Variants in TOX2 observed in about 807,000 individuals in gnomAD.
The protein encoded by TOX2 is granulosa cell HMG box 1.
A neutral mutation model predicts 47.4 loss-of-function variants in TOX2; 15 were observed. The ratio of observed to expected loss-of-function variants is 0.32; its 90% CI spans 0.21 to 0.49. TOX2 has a LOEUF of 0.49. Ranked by LOEUF, TOX2 falls within the 20% of genes least tolerant of loss-of-function variation. TOX2 has a pLI of 0.99. For missense variants in TOX2, 622 were observed against 673.1 expected (o/e 0.92, Z 0.84); for synonymous variants, 290 against 296.6 (o/e 0.98, Z 0.23).
chr20:44,068,603 C>T (rs572297128), intron 8 of TOX2, 47 bp from the exon 9 acceptor site: 1 of 1,587,244 alleles, frequency 6.3e-7, no homozygotes. Context: ...CTCCCCTGGC[C>T]CGGAGAGGTA....
intron 1 of TOX2, among the ~76,000 whole-genome samples, chr20:43,964,263 C>A (rs1029672892): frequency 6.6e-6 from 1 of 152,166 alleles, no homozygotes; most frequent in South Asian, 2.1e-4. Flanking sequence ...TGAGGCTTCC[C>A]AGGCCGTGCT....
At position 44,051,439 on chromosome 20, in the gene TOX2, T is replaced by G. The variant is rs1432033830; in HGVS notation, c.545T>G (p.Ile182Ser). 1.2e-6 allele frequency: 2 copies of G among 1,614,036 alleles called. No individual in the cohort carries two copies. The change falls in exon 4 of 9, where the codon ATC (isoleucine) becomes AGC (serine). Residue 182 changes from isoleucine to serine, a missense_variant. Ile to Ser is a moderately radical substitution (Grantham distance 142). Transcript: ENST00000341197. ...TCCCAGCTCATCTCGCAGATGGGCA[T>G]CCGGAGCAGCATCGCCCACAGCTCC... ...SQSQLISQMGIRSSIAHSSPS... is the reference protein window; with the variant it reads ...SQSQLISQMGSRSSIAHSSPS...
At chr20:43,973,238 C>A in intron 1 of TOX2, 129 bp from the exon 2 acceptor site, 1 of 846,604 alleles carries the variant, frequency 1.2e-6, no homozygotes, top group Non-Finnish European at 1.9e-6. Flanking sequence ...GCATCCTGGG[C>A]TCTGATTTGC....
intron 2 of TOX2, among the ~76,000 whole-genome samples, chr20:43,982,986 C>A (rs557517469): frequency 6.6e-6 from 1 of 151,994 alleles, no homozygotes; most frequent in Non-Finnish European, 1.5e-5. Context: ...TGACACTGCA[C>A]AATTGAACAT....
chr20:44,038,588 A>G (rs553204835), intron 3 of TOX2, among the ~76,000 whole-genome samples: 1 of 152,296 alleles, frequency 6.6e-6, no homozygotes, highest in South Asian at 2.1e-4. Context: ...GTGGGGGAAA[A>G]AAATTCCACC....
rs972157836 is a variant in TOX2, at chr20:44,048,273, C to T, written c.412-3033C>T. ...TGAGAAGGAAAATTTTAAAAAGCAA[C>T]GTGTATTCACAATATTACAATTTTG... On this transcript the variant is annotated intron_variant, in intron 3 of 8. Transcript: ENST00000341197. 5.3e-5 allele frequency among the ~76,000 whole-genome samples: 8 copies of T among 150,942 alleles called. No homozygotes were observed. The East Asian group carries it at 9.6e-4, about 18-fold the overall frequency.
At chr20:43,983,368 G>C (rs769033552) in intron 2 of TOX2, among the ~76,000 whole-genome samples, 1 of 152,128 alleles carries the variant, frequency 6.6e-6, no homozygotes, top group Non-Finnish European at 1.5e-5. Flanking sequence ...CCCCAAGTTT[G>C]CCTGGTCTGT....
chr20:43,998,516 A>G (rs767687028), intron 2 of TOX2, among the ~76,000 whole-genome samples: 15 of 152,066 alleles, frequency 9.9e-5, no homozygotes, highest in Non-Finnish European at 2.1e-4. Flanking sequence ...TGCCCATTTT[A>G]TTTATGGTTT....
intron 3 of TOX2, among the ~76,000 whole-genome samples, chr20:44,020,466 T>TTAAAAA (rs563002544): frequency 1.6e-4 from 25 of 152,054 alleles, no homozygotes; most frequent in African/African-American, 5.3e-4. Flanking sequence ...TAAAGTAAAA[T>TTAAAAA]TAAAAATAAA....
At chr20:44,018,109 G>A (rs1257426486) in intron 3 of TOX2, among the ~76,000 whole-genome samples, 1 of 152,208 alleles carries the variant, frequency 6.6e-6, no homozygotes, top group Non-Finnish European at 1.5e-5. Context: ...AGCCTTGGGG[G>A]CCAGAGGACA....
chr20:43,923,784 G>A (rs1385250337), intron 1 of TOX2, among the ~76,000 whole-genome samples: 1 of 152,186 alleles, frequency 6.6e-6, no homozygotes, highest in Non-Finnish European at 1.5e-5. Context: ...GGTTTATGTG[G>A]GGAAGTTCTC....
chr20:43,924,109 C>T (rs986260272), intron 1 of TOX2, among the ~76,000 whole-genome samples: 5 of 152,140 alleles, frequency 3.3e-5, no homozygotes, highest in Admixed American at 6.5e-5. Context: ...CAAGCCCAGC[C>T]GCTGATATTC....
At chr20:43,957,077 T>C (rs2069680084) in intron 1 of TOX2, among the ~76,000 whole-genome samples, 1 of 152,274 alleles carries the variant, frequency 6.6e-6, no homozygotes, top group African/African-American at 2.4e-5. Context: ...TATTTGAATC[T>C]GTCAATCTCT....
In TOX2 at chr20:43,914,936, G is replaced by A; in HGVS notation, c.45G>A (p.Arg15=). The part of the protein sequence containing the change: ...LYPSAPAVGA[R]PGAEPAGLAH... ...CCTCGGCGCCCGCGGTGGGCGCGCG[G>A]CCCGGGGCCGAGCCGGCCGGCCTGG... Residue 15 remains arginine (R), a synonymous_variant, in exon 1 of 9, where the codon CGG becomes CGA. Coordinates refer to ENST00000341197, the MANE Select transcript of TOX2 (RefSeq NM_001098797.2). The surrounding 1 kb of genome is among the most constrained non-coding windows in gnomAD (Gnocchi z 4.5). 1.6e-6 allele frequency: 2 copies of A among 1,226,894 alleles called. No individual in the cohort carries two copies. The highest frequency in any genetic ancestry group is 1.0e-6 in the Non-Finnish European group (1 of 982,510). The allele number at this position is 1,226,894 out of a possible 1,614,324, so 76.0% of individuals were successfully genotyped here. A position where few individuals can be genotyped will look rare whatever the true frequency, so the allele number is the denominator to read the frequency against.
chr20:43,956,501 C>T lies in TOX2; in HGVS notation c.100-16866C>T, dbSNP rs2069670891. 2.0e-5 allele frequency among the ~76,000 whole-genome samples: 3 copies of T among 146,950 alleles called. No homozygotes were observed. In the South Asian group the frequency reaches 6.4e-4, roughly 31 times the overall value. On this transcript the variant is annotated intron_variant, in intron 1 of 8. Coordinates refer to ENST00000341197, the MANE Select transcript of TOX2 (RefSeq NM_001098797.2). ...GCTTGAACCCAGGAGGCCGAGGTTG[C>T]AGTGAGCTGAGATCATGCCACTGCA...
intron 2 of TOX2, among the ~76,000 whole-genome samples, chr20:43,998,161 T>C (rs1244838517): frequency 6.6e-6 from 1 of 152,170 alleles, no homozygotes; most frequent in African/African-American, 2.4e-5. Flanking sequence ...GCTACACACT[T>C]TCAAACAACC....
At chr20:43,931,429 C>A (rs1278142322) in intron 1 of TOX2, among the ~76,000 whole-genome samples, 1 of 152,252 alleles carries the variant, frequency 6.6e-6, no homozygotes, top group African/African-American at 2.4e-5. Context: ...GCCACCACGC[C>A]TCGCTAAACA....
chr20:43,997,863 A>T (rs1430191622), intron 2 of TOX2, among the ~76,000 whole-genome samples: 1 of 152,096 alleles, frequency 6.6e-6, no homozygotes, highest in African/African-American at 2.4e-5. Context: ...TTGCTCTTAA[A>T]GTGTTTAAGT....
intron 3 of TOX2, among the ~76,000 whole-genome samples, chr20:44,036,181 G>C (rs576997066): frequency 3.7e-4 from 56 of 152,322 alleles, no homozygotes; most frequent in African/African-American, 1.3e-3. Context: ...CCGTCGGGCC[G>C]TGCAGGGGTC....
Sources: gnomAD v4.1 joint callset for allele counts (sites outside exome capture counted in the v4.1 genomes callset) on GRCh38, gnomAD v4.1.1 for gene constraint, Gnocchi (gnomAD v3.1) non-coding constraint, MANE v1.5 for transcripts, NCBI Gene and HGNC (gene_info 2026-07-23, HGNC 2026-07-21) for gene names.